The following SIPA1L2 variants were observed in gnomAD, a reference collection of about 807,000 sequenced individuals.
SIPA1L2 encodes signal induced proliferation associated 1 like 2.
SIPA1L2 carries 56 observed loss-of-function variants against 163.9 expected under a neutral mutation model. The observed-to-expected ratio is 0.34, with a 90% CI of 0.28 to 0.43. The LOEUF (loss-of-function observed/expected upper bound fraction) is 0.43. Among genes scored for constraint, SIPA1L2 ranks in the 20% least tolerant of loss-of-function variants. The pLI, the probability that SIPA1L2 is intolerant of heterozygous loss-of-function variation, is 1.00. For missense variants in SIPA1L2, 1,974 were observed against 2,193.5 expected (o/e 0.90, Z 2.00); for synonymous variants, 877 against 865.7 (o/e 1.01, Z -0.23).
intron 6 of SIPA1L2, among the ~76,000 whole-genome samples, chr1:232,481,365 T>G (rs940389302): frequency 3.0e-4 from 45 of 151,972 alleles, no homozygotes; most frequent in African/African-American, 1.1e-3. Context: ...ATGACACCCA[T>G]CACAACACTG....
chr1:232,625,018 T>C (rs1431302745), intron 1 of SIPA1L2, among the ~76,000 whole-genome samples: 3 of 152,200 alleles, frequency 2.0e-5, no homozygotes, highest in Non-Finnish European at 4.4e-5. Context: ...ATTTAACACA[T>C]TTTCTTAATC....
chr1:232,623,804 T>C (rs1007976123), intron 1 of SIPA1L2, among the ~76,000 whole-genome samples: 3 of 151,804 alleles, frequency 2.0e-5, no homozygotes, highest in African/African-American at 7.3e-5. Context: ...ACAGTAAATA[T>C]AAGGCCCATC....
intron 2 of SIPA1L2, among the ~76,000 whole-genome samples, chr1:232,518,202 T>C (rs1344155566): frequency 6.6e-6 from 1 of 152,228 alleles, no homozygotes; most frequent in Non-Finnish European, 1.5e-5. Context: ...ATTCCTTCTG[T>C]TGTGAATTTT....
At chr1:232,535,369 T>C (rs746759409) in intron 2 of SIPA1L2, among the ~76,000 whole-genome samples, 12 of 152,318 alleles carry the variant, frequency 7.9e-5, no homozygotes, top group Middle Eastern at 3.4e-3. Flanking sequence ...AAATCTCTAT[T>C]TTCACATGTT....
In SIPA1L2 at chr1:232,461,722, T is replaced by C. The variant is rs114306198; in HGVS notation, c.2821-561A>G. Reference sequence around the variant, plus strand: ...AAAGCTAACGCTTAAGAGCCCACTCTGAGGTTCAGGAAGGGCAGTGGCAGA... The same window carrying C: ...AAAGCTAACGCTTAAGAGCCCACTCCGAGGTTCAGGAAGGGCAGTGGCAGA... On this transcript the variant is annotated intron_variant, in intron 9 of 22. Coordinates refer to ENST00000674635, the MANE Select transcript of SIPA1L2 (RefSeq NM_020808.5). Among the ~76,000 whole-genome samples the C allele has an allele frequency of 2.4e-3, 370 of 152,340 alleles. 2 individuals carry two copies. Among genetic ancestry groups the C allele is most frequent in the African/African-American group, 8.7e-3 (360 of 41,584 alleles).
chr1:232,564,235 CGTGTGTGTGTGTGTGTGTGTGTGT>C lies in SIPA1L2; in HGVS notation c.-270+9915_-270+9938del, dbSNP rs59088753. Among the ~76,000 whole-genome samples the C allele has an allele frequency of 1.0e-4, 3 of 29,696 alleles. No individual in the cohort carries two copies. In the Admixed American group the frequency reaches 1.8e-3, roughly 18 times the overall value. 19.5% of individuals were successfully genotyped at this position (29,696 alleles called of 152,430 possible). ...GAACGACAAAGGTTTTTTTTTTTTT[CGTGTGTGTGTGTGTGTGTGTGTGT>C]GTGTGTGTGTGTGTGTGTGTGTATG... On this transcript the variant is annotated intron_variant, in intron 2 of 22. Coordinates refer to ENST00000674635, the MANE Select transcript of SIPA1L2 (RefSeq NM_020808.5).
At chr1:232,425,568 A>G in intron 18 of SIPA1L2, 21 bp downstream of exon 18, 1 of 1,536,438 alleles carries the variant, frequency 6.5e-7, no homozygotes, top group Non-Finnish European at 8.8e-7. Context: ...CTGGCCAGGG[A>G]GCAGCCAGCC....
chr1:232,592,284 AT>A (rs1661009596), intron 1 of SIPA1L2, among the ~76,000 whole-genome samples: 1 of 152,236 alleles, frequency 6.6e-6, no homozygotes. Flanking sequence ...TCACTGAATA[AT>A]TAGCCATGAA....
chr1:232,530,522 G>C (rs2103082501), intron 2 of SIPA1L2, among the ~76,000 whole-genome samples: 1 of 152,140 alleles, frequency 6.6e-6, no homozygotes, highest in African/African-American at 2.4e-5. Context: ...AACTAGAAAG[G>C]GTTCTTAAGT....
chr1:232,598,247 A>G (rs1228780265), intron 1 of SIPA1L2, among the ~76,000 whole-genome samples: 1 of 152,094 alleles, frequency 6.6e-6, no homozygotes, highest in Non-Finnish European at 1.5e-5. Context: ...TAAAAAAAAA[A>G]AAAAAAAATC....
chr1:232,526,559 C>G (rs1249233959), intron 2 of SIPA1L2, among the ~76,000 whole-genome samples: 1 of 152,208 alleles, frequency 6.6e-6, no homozygotes, highest in Non-Finnish European at 1.5e-5. Flanking sequence ...GGAGCTCAGG[C>G]AGTAATGCTC....
chr1:232,468,845 T>C (rs1430588905), intron 8 of SIPA1L2, among the ~76,000 whole-genome samples: 1 of 152,220 alleles, frequency 6.6e-6, no homozygotes, highest in Admixed American at 6.5e-5. Flanking sequence ...AGCTTAACAT[T>C]AGCTACAAAT....
intron 1 of SIPA1L2, among the ~76,000 whole-genome samples, chr1:232,585,091 T>A (rs1225994627): frequency 6.6e-6 from 1 of 152,198 alleles, no homozygotes. Context: ...CACCTAAAAG[T>A]AGAAACACAA....
At chr1:232,428,913 G>T (rs1662062514) in intron 16 of SIPA1L2, among the ~76,000 whole-genome samples, 1 of 152,194 alleles carries the variant, frequency 6.6e-6, no homozygotes, top group South Asian at 2.1e-4. Context: ...ATGATCATAT[G>T]TCTTTCGAAG....
rs374155381 is a variant in SIPA1L2, at chr1:232,597,403, C to T, written c.-318-23181G>A. On this transcript the variant is annotated intron_variant, in intron 1 of 22. Coordinates refer to ENST00000674635, the MANE Select transcript of SIPA1L2 (RefSeq NM_020808.5). ...AAAGAAGTAACAAGATTTGGCCGGG[C>T]GCGGTGGCTCACACCTGTAATCCCA... 4.9e-4 allele frequency among the ~76,000 whole-genome samples: 75 copies of T among 151,838 alleles called. No individual in the cohort carries two copies. The South Asian group carries it at 0.011, about 23-fold the overall frequency.
intron 4 of SIPA1L2, 26 bp from the exon 5 acceptor site, chr1:232,491,088 G>A (rs754597332): frequency 9.4e-6 from 15 of 1,587,634 alleles, no homozygotes; most frequent in African/African-American, 2.7e-5. Flanking sequence ...ATAAGACTTC[G>A]GTTAATATTG....
chr1:232,587,647 A>T (rs1297072763), intron 1 of SIPA1L2, among the ~76,000 whole-genome samples: 2 of 152,206 alleles, frequency 1.3e-5, no homozygotes, highest in African/African-American at 2.4e-5. Context: ...ACATAACTGC[A>T]GTTAAAATAA....
rs529661371 is a variant in SIPA1L2 at position 232,568,976 on chromosome 1, C to T, written c.-270+5198G>A. 6.6e-5 allele frequency among the ~76,000 whole-genome samples: 10 copies of T among 152,264 alleles called. 1 individual carries two copies. The South Asian group carries it at 1.5e-3, about 22-fold the overall frequency. ...TCCCCTTTAGATTACAAACTCTTGA[C>T]GGGGAAGGGCTGCCTTTTCATCATC... is the stretch of plus-strand genomic sequence containing the variant. On this transcript the variant is annotated intron_variant, in intron 2 of 22. Transcript: ENST00000674635.
chr1:232,629,103 A>G (rs2102902403), intron 1 of SIPA1L2, among the ~76,000 whole-genome samples: 1 of 152,298 alleles, frequency 6.6e-6, no homozygotes, highest in East Asian at 1.9e-4. Context: ...AATTTAACTC[A>G]AGCAGGTTAA....
Sources: allele counts gnomAD v4.1 joint callset (sites outside exome capture counted in the v4.1 genomes callset), GRCh38; gene constraint gnomAD v4.1.1; transcripts MANE v1.5; gene names NCBI Gene and HGNC (gene_info 2026-07-23, HGNC 2026-07-21).